COX11: variants seen among roughly 807,000 people sequenced by gnomAD.
COX11 encodes the protein cytochrome c oxidase assembly protein COX11, mitochondrial.
A neutral mutation model predicts 29.4 loss-of-function variants in COX11; 18 were observed. The observed-to-expected ratio is 0.61, with a 90% CI of 0.42 to 0.91. The LOEUF is 0.91. Among genes scored for constraint, COX11 ranks in the 40% least tolerant of loss-of-function variants. The pLI is 0.00. For missense variants in COX11, 312 were observed against 346.0 expected, an observed-to-expected ratio of 0.90 and a Z score of 0.78; for synonymous variants, 131 against 124.0, an observed-to-expected ratio of 1.06 and a Z score of -0.38.
chr17:54,965,214 A>G (rs2077197266), intron 1 of COX11, among the ~76,000 whole-genome samples: 1 of 152,242 alleles, frequency 6.6e-6, no homozygotes, highest in East Asian at 1.9e-4. Context: ...GTATTTCATT[A>G]ATAGAAATAA....
downstream of COX11, chr17:54,956,958 C>T (rs1850345081): frequency 6.6e-6 from 1 of 152,182 alleles, no homozygotes; most frequent in Admixed American, 6.5e-5. Context: ...GCTATAGCAT[C>T]TCCCAGGGTG....
In COX11 at chr17:54,968,475, G is replaced by A. The variant is rs763810459; in HGVS notation, c.172C>T (p.Arg58Cys). 1.9e-6 allele frequency: 3 copies of A among 1,613,358 alleles called. No individual in the cohort carries two copies. The highest frequency in any genetic ancestry group is 1.6e-4 in the Middle Eastern group (1 of 6,062). Reference protein sequence around the residue: ...RGLRWLGTWKRCSLRARHPAL... With the variant: ...RGLRWLGTWKCCSLRARHPAL... ...GGATGCCGGGCTCGAAGGCTGCAGC[G>A]CTTCCATGTCCCAAGCCACCTCAGT... The change falls in exon 1 of 4, where the codon CGC becomes TGC. Residue 58 changes from arginine (R) to cysteine (C), a missense_variant. By Grantham distance (180) the Arg-to-Cys change is radical. Transcript: ENST00000299335.
chr17:54,967,079 G>C (rs1360211703), intron 1 of COX11, among the ~76,000 whole-genome samples: 1 of 150,382 alleles, frequency 6.6e-6, no homozygotes. Flanking sequence ...CACACGGAAA[G>C]AGTGAACTCC....
intron 1 of COX11, among the ~76,000 whole-genome samples, chr17:54,967,897 T>C (rs1008612254): frequency 1.3e-5 from 2 of 151,644 alleles, no homozygotes; most frequent in African/African-American, 4.8e-5. Context: ...ATAAACCACA[T>C]GTGGTTTGCA....
chr17:54,963,454 T>C (rs1458426344), intron 2 of COX11, 23 bp from the exon 3 acceptor site: 1 of 1,582,874 alleles, frequency 6.3e-7, no homozygotes, highest in East Asian at 2.3e-5. Flanking sequence ...ATATATATAT[T>C]ATCAATACTT....
Position 54,961,183 on chromosome 17 carries a change from G to C in COX11, c.*1550C>G. On this transcript the variant is annotated 3_prime_UTR_variant, in exon 4 of 4. Transcript: ENST00000299335. ...AAGACAAGAGAGTTATCAAGGAATG[G>C]GGAAAGAGAAGGACAGGATGAATAC... 2 of 1,204,274 alleles carry C rather than the reference G, an allele frequency of 1.7e-6. No individual in the cohort carries two copies. Among genetic ancestry groups the C allele is most frequent in the Non-Finnish European group, 2.4e-6 (2 of 831,570 alleles). The allele number at this position is 1,204,274 out of a possible 1,614,324, so 74.6% of individuals were successfully genotyped here. A position where few individuals can be genotyped will look rare whatever the true frequency, so the allele number is the denominator to read the frequency against.
chr17:54,961,380 T>G lies in COX11; in HGVS notation c.*1353A>C, dbSNP rs190375354. Reference sequence around the variant, plus strand: ...CATTTCTGCTATAATGAAGATTAAATAGAATAACAGTTCCAGGATAACACT... The same window carrying G: ...CATTTCTGCTATAATGAAGATTAAAGAGAATAACAGTTCCAGGATAACACT... On this transcript the variant is annotated 3_prime_UTR_variant, in exon 4 of 4. Coordinates refer to ENST00000299335, the MANE Select transcript of COX11 (RefSeq NM_004375.5). The G allele has an allele frequency of 6.5e-6, 10 of 1,549,794 alleles. No homozygotes were observed. In the African/African-American group the frequency reaches 1.2e-4, roughly 19 times the overall value.
At chr17:54,967,559 A>T (rs1330095447) in intron 1 of COX11, among the ~76,000 whole-genome samples, 1 of 152,160 alleles carries the variant, frequency 6.6e-6, no homozygotes, top group East Asian at 1.9e-4. Flanking sequence ...ACTAAAATAT[A>T]GAGTGCTGGT....
At position 54,962,913 on chromosome 17, in the gene COX11, G is replaced by A. The variant is rs1418637781; in HGVS notation, c.651C>T (p.Cys217=). 4.4e-6 allele frequency: 7 copies of A among 1,605,596 alleles called. No homozygotes were observed. Among genetic ancestry groups the A allele is most frequent in the Non-Finnish European group, 6.0e-6 (7 of 1,176,468 alleles). The change falls in exon 4 of 4, where the codon TGC becomes TGT. Residue 217 remains cysteine, a splice_region_variant and synonymous_variant. Transcript: ENST00000299335. ...TAAGCCTTTGTTCTTCAAAACAGAAGCACTGGAAATTATAGAAAGATTTTA... is the reference window on the plus strand; with the variant it reads ...TAAGCCTTTGTTCTTCAAAACAGAAACACTGGAAATTATAGAAAGATTTTA... The part of the protein sequence containing the change: ...EAGQYFNKIQ[C]FCFEEQRLNP...
At position 54,960,840 on chromosome 17, in the gene COX11, T is replaced by C. The variant is rs77134514; in HGVS notation, c.*1893A>G. ...TTTCTCATCTGTAAATAGTAAGGCT[T>C]GGGAATACAGTAGTTTATGGTATAG... is the stretch of plus-strand genomic sequence containing the variant. On this transcript the variant is annotated 3_prime_UTR_variant, in exon 4 of 4. Transcript: ENST00000299335. Among the ~76,000 whole-genome samples the C allele has an allele frequency of 8.3e-3, 1,261 of 152,284 alleles. 9 individuals are homozygous for C. The highest frequency in any genetic ancestry group is 0.048 in the Middle Eastern group (14 of 294).
chr17:54,960,821 A>G lies in COX11; in HGVS notation c.*1912T>C, dbSNP rs1314469910. On this transcript the variant is annotated 3_prime_UTR_variant, in exon 4 of 4. Transcript: ENST00000299335. The stretch of plus-strand genomic sequence containing the variant: ...GAGAGTCATTCTTTGTGATTTTCTC[A>G]TCTGTAAATAGTAAGGCTTGGGAAT... Among the ~76,000 whole-genome samples, 1 of 152,182 alleles carries G rather than the reference A, an allele frequency of 6.6e-6. No homozygotes were observed. Among genetic ancestry groups the G allele is most frequent in the Non-Finnish European group, 1.5e-5 (1 of 68,020 alleles).
intron 2 of COX11, 105 bp from the exon 3 acceptor site, chr17:54,963,536 AC>A: frequency 9.1e-7 from 1 of 1,101,468 alleles, no homozygotes; most frequent in Non-Finnish European, 1.3e-6. Context: ...AGACCATAAT[AC>A]CTAATCTAAT....
rs775015122 is a variant in COX11, at chr17:54,963,393, A to G, written c.561T>C (p.Ala187=). Residue 187 remains alanine, a synonymous_variant, in exon 3 of 4, where the codon GCT becomes GCC. Coordinates refer to ENST00000299335, the MANE Select transcript of COX11 (RefSeq NM_004375.5). ...TTACTGGTTTGTCAGTAGGATTCTTAGCTCTGTAAAACGCCAGTGCAGTCT... is the reference window on the plus strand; with the variant it reads ...TTACTGGTTTGTCAGTAGGATTCTTGGCTCTGTAAAACGCCAGTGCAGTCT... ...PGETALAFYR[A]KNPTDKPVIG... 185 of 1,612,356 alleles carry G rather than the reference A, an allele frequency of 1.1e-4. No individual in the cohort carries two copies. The Middle Eastern group carries it at 3.5e-3, about 31-fold the overall frequency.
intron 1 of COX11, among the ~76,000 whole-genome samples, chr17:54,965,655 C>T (rs139227358): frequency 2.1e-4 from 32 of 152,172 alleles, no homozygotes; most frequent in Admixed American, 1.1e-3. Context: ...AGTGAACCCC[C>T]GTCTCTATTA....
chr17:54,968,724 T>A (rs1454940701), upstream of COX11: 3 of 1,506,274 alleles, frequency 2.0e-6, no homozygotes, highest in Non-Finnish European at 2.7e-6. Context: ...TCTCGCGAGA[T>A]CTGGGTTGAG....
chr17:54,964,816 C>T lies in COX11; in HGVS notation c.403G>A (p.Ala135Thr), dbSNP rs1309138892. 6.2e-7 allele frequency: 1 copy of T among 1,613,230 alleles called. No homozygotes were observed. Among genetic ancestry groups the T allele is most frequent in the African/African-American group, 1.3e-5 (1 of 75,016 alleles). Residue 135 changes from alanine to threonine, a missense_variant, in exon 2 of 4, where the codon GCC becomes ACC. Ala to Thr is a moderately conservative substitution (Grantham distance 58). This residue lies in a region of COX11 where 182 missense variants were observed against 240.0 expected (regional missense o/e 0.76). Coordinates refer to ENST00000299335, the MANE Select transcript of COX11 (RefSeq NM_004375.5). ...GLGGSAVAGH[A>T]SDKIENMVPV... Reference sequence around the variant, plus strand: ...ACCATGTTTTCAATCTTGTCTGAGGCATGACCTGCAACTGCTGATCCTCCA... The same window carrying T: ...ACCATGTTTTCAATCTTGTCTGAGGTATGACCTGCAACTGCTGATCCTCCA...
At chr17:54,952,515 T>C (rs67321648) in exon 1 of COX11, 44,039 of 142,422 alleles carry the variant, frequency 0.31, 7,056 homozygotes, top group African/African-American at 0.39. Flanking sequence ...CCCCACTGCA[T>C]TCCAACCTGG....
Position 54,961,489 on chromosome 17 carries a change from T to TA in COX11, c.*1243dup, listed in dbSNP as rs2077123993. ...AAACTTCAGCAGAAGAAAAATTACT[T>TA]AGTCCTTAGGCCAACCAATTTAACT... On this transcript the variant is annotated 3_prime_UTR_variant, in exon 4 of 4. Transcript: ENST00000299335. 2 of 1,437,458 alleles carry TA rather than the reference T, an allele frequency of 1.4e-6. No individual in the cohort carries two copies. The highest frequency in any genetic ancestry group is 2.9e-5 in the African/African-American group (2 of 69,776). 89.0% of individuals were successfully genotyped at this position (1,437,458 alleles called of 1,614,324 possible). A position where few individuals can be genotyped will look rare whatever the true frequency, so the allele number is the denominator to read the frequency against.
In COX11 at chr17:54,962,680, A is replaced by C; in HGVS notation, c.*53T>G. On this transcript the variant is annotated 3_prime_UTR_variant, in exon 4 of 4. Coordinates refer to ENST00000299335, the MANE Select transcript of COX11 (RefSeq NM_004375.5). Reference sequence around the variant, plus strand: ...AATATTTCTCCTTTGAGAAGATAGGATATATGATTTTCCCAAAAATCACAA... The same window carrying C: ...AATATTTCTCCTTTGAGAAGATAGGCTATATGATTTTCCCAAAAATCACAA... The C allele has an allele frequency of 6.3e-7, 1 of 1,584,620 alleles. No individual in the cohort carries two copies. Among genetic ancestry groups the C allele is most frequent in the South Asian group, 1.2e-5 (1 of 86,204 alleles).
Sources: gnomAD v4.1 joint callset for allele counts (sites outside exome capture counted in the v4.1 genomes callset) on GRCh38, gnomAD v4.1.1 for gene constraint, gnomAD v4.1.1 regional missense constraint, MANE v1.5 for transcripts, NCBI Gene and HGNC (gene_info 2026-07-23, HGNC 2026-07-21) for gene names.